Variants in DLGAP2 observed in about 807,000 individuals in gnomAD.
DLGAP2 encodes the protein DLG associated protein 2, also known as disks large-associated protein 2.
Under a neutral mutation model 100.3 loss-of-function variants are expected in DLGAP2, and 26 were observed. That is an observed-to-expected ratio of 0.26 (90% confidence interval 0.19 to 0.36). The LOEUF is 0.36. Ranked by LOEUF, DLGAP2 falls within the 10% of genes least tolerant of loss-of-function variation. The probability of loss-of-function intolerance (pLI) is 1.00; values close to 1 mark genes in which losing one functional copy is unlikely to be tolerated. For missense variants in DLGAP2, 1,858 were observed against 1,453.2 expected (o/e 1.28, Z -4.53); for synonymous variants, 886 against 630.1 (o/e 1.41, Z -6.08).
intron 2 of DLGAP2, among the ~76,000 whole-genome samples, chr8:1,161,985 G>C (rs1184151307): frequency 2.6e-5 from 4 of 152,252 alleles, no homozygotes; most frequent in Admixed American, 6.5e-5. Flanking sequence ...CTTCCTGCTA[G>C]AATGCAGGTG....
intron 2 of DLGAP2, among the ~76,000 whole-genome samples, chr8:966,652 A>ATGTGG (rs1004019139): frequency 2.0e-5 from 3 of 151,880 alleles, no homozygotes; most frequent in African/African-American, 4.8e-5. Flanking sequence ...ACAAAATGTG[A>ATGTGG]TGGGTGTTAT....
rs1323755664 is a variant in DLGAP2, at chr8:814,513, T to G, written c.18+76688T>G. Among the ~76,000 whole-genome samples the G allele has an allele frequency of 2.6e-5, 4 of 152,278 alleles. 1 individual carries two copies. Among genetic ancestry groups the G allele is most frequent in the Admixed American group, 2.6e-4 (4 of 15,298 alleles). ...CTGGATCCTGGATTCAGACCCTGAT[T>G]CGGATCCCATAAACCAATATGCTAT... On this transcript the variant is annotated intron_variant, in intron 1 of 14. Transcript: ENST00000637795.
At chr8:772,345 C>G (rs1253260454) in intron 1 of DLGAP2, among the ~76,000 whole-genome samples, 2 of 151,688 alleles carry the variant, frequency 1.3e-5, no homozygotes, top group Non-Finnish European at 2.9e-5. Context: ...TTTTTTGAGA[C>G]AGAGTCTTGC....
chr8:800,630 GTGTGTGCATGTCTA>G (rs1334345986), intron 1 of DLGAP2, among the ~76,000 whole-genome samples: 1 of 152,184 alleles, frequency 6.6e-6, no homozygotes, highest in Non-Finnish European at 1.5e-5. Flanking sequence ...ATGTTTATAT[GTGTGTGCATGTCTA>G]TGTGTGCACA....
At chr8:1,357,912 TC>T (rs1008359268) in intron 3 of DLGAP2, among the ~76,000 whole-genome samples, 1 of 152,146 alleles carries the variant, frequency 6.6e-6, no homozygotes, top group Non-Finnish European at 1.5e-5. Context: ...GGATGTTGGC[TC>T]CCCACACTGT....
chr8:867,886 CAT>C (rs1474217934), intron 1 of DLGAP2, among the ~76,000 whole-genome samples: 5 of 152,204 alleles, frequency 3.3e-5, no homozygotes, highest in African/African-American at 1.2e-4. Context: ...TTATGACAAA[CAT>C]ATTTGCTCAA....
chr8:1,699,938 C>A (rs961527030), intron 14 of DLGAP2, among the ~76,000 whole-genome samples: 2 of 152,234 alleles, frequency 1.3e-5, no homozygotes, highest in East Asian at 1.9e-4. Flanking sequence ...TTTCTCTTGG[C>A]ATCCCCTGAA....
At chr8:1,462,574 G>T (rs905106846) in intron 3 of DLGAP2, among the ~76,000 whole-genome samples, 1 of 152,140 alleles carries the variant, frequency 6.6e-6, no homozygotes, top group Non-Finnish European at 1.5e-5. Flanking sequence ...GTTGGGAGAA[G>T]GTGCTGCTGT....
intron 3 of DLGAP2, among the ~76,000 whole-genome samples, chr8:1,378,553 C>T (rs1025861556): frequency 2.5e-4 from 38 of 149,872 alleles, no homozygotes; most frequent in Admixed American, 9.9e-4. Context: ...CAGCTGACTT[C>T]GCCTGTCTGT....
At chr8:1,672,091 T>C (rs1279622901) in intron 10 of DLGAP2, among the ~76,000 whole-genome samples, 1 of 152,208 alleles carries the variant, frequency 6.6e-6, no homozygotes, top group Non-Finnish European at 1.5e-5. Context: ...CTCTGGGAAA[T>C]GTTTACAGCT....
intron 6 of DLGAP2, among the ~76,000 whole-genome samples, chr8:1,586,892 C>G (rs1318969217): frequency 2.6e-5 from 4 of 152,194 alleles, no homozygotes; most frequent in Non-Finnish European, 5.9e-5. Flanking sequence ...GCATGTGGCT[C>G]CCTCTGAAGC....
chr8:946,481 T>C (rs1010841232), intron 2 of DLGAP2, among the ~76,000 whole-genome samples: 27 of 152,218 alleles, frequency 1.8e-4, no homozygotes, highest in Non-Finnish European at 2.2e-4. Context: ...GCCAGGATGG[T>C]CTCGATCTCC....
In DLGAP2 at chr8:1,206,055, A is replaced by G. The variant is rs553331464; in HGVS notation, c.74-52796A>G. On this transcript the variant is annotated intron_variant, in intron 2 of 14. Transcript: ENST00000637795. ...AATCAAGCAGGAAGTTCAGGGAGCC[A>G]TCTCAGTCGGGATATCTCTGAGCAT... Among the ~76,000 whole-genome samples, 6 of 152,328 alleles carry G rather than the reference A, an allele frequency of 3.9e-5. No individual in the cohort carries two copies. In the South Asian group the frequency reaches 8.3e-4, roughly 21 times the overall value.
At chr8:994,459 C>G (rs1460693312) in intron 2 of DLGAP2, among the ~76,000 whole-genome samples, 1 of 152,204 alleles carries the variant, frequency 6.6e-6, no homozygotes, top group Non-Finnish European at 1.5e-5. Context: ...CTCAGCCTCC[C>G]AAAGTGCTGG....
At chr8:1,649,903 T>C (rs536261889) in intron 8 of DLGAP2, among the ~76,000 whole-genome samples, 1 of 152,162 alleles carries the variant, frequency 6.6e-6, no homozygotes, top group African/African-American at 2.4e-5. Flanking sequence ...ATGGATCATA[T>C]CAAATGTTAC....
At chr8:1,111,957 T>C (rs1451327220) in intron 2 of DLGAP2, among the ~76,000 whole-genome samples, 1 of 152,160 alleles carries the variant, frequency 6.6e-6, no homozygotes, top group East Asian at 1.9e-4. Flanking sequence ...GCAGTTCTGC[T>C]TGTAACTCTT....
intron 2 of DLGAP2, among the ~76,000 whole-genome samples, chr8:930,070 G>C (rs747372248): frequency 2.0e-5 from 3 of 152,192 alleles, no homozygotes; most frequent in South Asian, 2.1e-4. Context: ...TCTGAGACAG[G>C]CCACACTGAT....
At chr8:1,471,658 C>G (rs1411423596) in intron 3 of DLGAP2, among the ~76,000 whole-genome samples, 1 of 150,752 alleles carries the variant, frequency 6.6e-6, no homozygotes, top group Non-Finnish European at 1.5e-5. Context: ...AACCACCCCA[C>G]ACACCTCCCT....
chr8:1,344,308 G>C (rs1008352109), intron 3 of DLGAP2, among the ~76,000 whole-genome samples: 2 of 152,204 alleles, frequency 1.3e-5, no homozygotes, highest in African/African-American at 4.8e-5. Flanking sequence ...GGTCTGTGCA[G>C]ACAACAGCCT....
Sources: gnomAD v4.1 joint callset for allele counts (sites outside exome capture counted in the v4.1 genomes callset) on GRCh38, gnomAD v4.1.1 for gene constraint, MANE v1.5 for transcripts, NCBI Gene and HGNC (gene_info 2026-07-23, HGNC 2026-07-21) for gene names.